Variants in GMDS observed in about 807,000 individuals in gnomAD.
The protein encoded by GMDS is GDP-mannose 4,6 dehydratase.
In GMDS, 20 loss-of-function variants were observed where a neutral mutation model predicts 49.9. The ratio of observed to expected loss-of-function variants is 0.40; its 90% CI spans 0.28 to 0.58. The LOEUF (loss-of-function observed/expected upper bound fraction) is 0.58, where lower values mean the gene tolerates loss of function less well. Ranked by LOEUF, GMDS falls within the 20% of genes least tolerant of loss-of-function variation. The probability of loss-of-function intolerance (pLI) is 0.42; values close to 1 mark genes in which losing one functional copy is unlikely to be tolerated. For missense variants in GMDS, 362 were observed against 481.4 expected (o/e 0.75, Z 2.32); for synonymous variants, 177 against 178.6 (o/e 0.99, Z 0.07).
chr6:1,809,011 G>A (rs1401940936), intron 7 of GMDS, among the ~76,000 whole-genome samples: 8 of 151,976 alleles, frequency 5.3e-5, no homozygotes, highest in African/African-American at 1.9e-4. Context: ...GGAAATTTTA[G>A]GTCCTTATCT....
chr6:1,728,860 C>T, intron 8 of GMDS, among the ~76,000 whole-genome samples: 1 of 152,038 alleles, frequency 6.6e-6, no homozygotes, highest in East Asian at 1.9e-4. Context: ...TCTTCTTCCT[C>T]CTCTTATTTT....
At chr6:1,911,395 T>C (rs1183723204) in intron 7 of GMDS, among the ~76,000 whole-genome samples, 1 of 152,190 alleles carries the variant, frequency 6.6e-6, no homozygotes, top group Non-Finnish European at 1.5e-5. Flanking sequence ...GGGGAATGTT[T>C]CCCATCCCAA....
chr6:1,878,063 C>T (rs963363408), intron 7 of GMDS, among the ~76,000 whole-genome samples: 1 of 152,062 alleles, frequency 6.6e-6, no homozygotes, highest in African/African-American at 2.4e-5. Flanking sequence ...CCTGTCATCC[C>T]AGCACTCTGG....
intron 9 of GMDS, among the ~76,000 whole-genome samples, chr6:1,720,070 C>T (rs1354153438): frequency 6.6e-6 from 1 of 152,130 alleles, no homozygotes; most frequent in Non-Finnish European, 1.5e-5. Context: ...AGGGAAGATA[C>T]ATAGCTATGT....
intron 9 of GMDS, among the ~76,000 whole-genome samples, chr6:1,693,900 C>CA (rs1765253179): frequency 6.6e-6 from 1 of 152,154 alleles, no homozygotes; most frequent in Non-Finnish European, 1.5e-5. Flanking sequence ...ACTTATAAAA[C>CA]AAATACTATG....
intron 7 of GMDS, among the ~76,000 whole-genome samples, chr6:1,868,557 C>T (rs942742447): frequency 4.6e-5 from 7 of 152,224 alleles, no homozygotes; most frequent in South Asian, 2.1e-4. Context: ...CTGAGGTAGG[C>T]GTGTCTATAT....
At chr6:2,052,672 T>C (rs193147393) in intron 4 of GMDS, among the ~76,000 whole-genome samples, 2 of 152,336 alleles carry the variant, frequency 1.3e-5, no homozygotes, top group East Asian at 3.9e-4. Context: ...GCATAGATTA[T>C]TATGGTTGCA....
intron 1 of GMDS, among the ~76,000 whole-genome samples, chr6:2,172,034 A>T (rs1778035267): frequency 6.6e-6 from 1 of 152,204 alleles, no homozygotes; most frequent in African/African-American, 2.4e-5. Context: ...TACGGAAGAC[A>T]TCAAAGACAG....
chr6:1,717,803 C>T (rs150800651), intron 9 of GMDS, among the ~76,000 whole-genome samples: 1,905 of 152,218 alleles, frequency 0.013, 30 homozygotes, highest in African/African-American at 0.044. Context: ...CAATATGCAG[C>T]ACAAAGTACC....
intron 6 of GMDS, among the ~76,000 whole-genome samples, chr6:1,936,437 T>C (rs897174839): frequency 6.6e-6 from 1 of 152,072 alleles, no homozygotes; most frequent in African/African-American, 2.4e-5. Context: ...CAGCCAGAAG[T>C]GGGACTAATC....
chr6:2,017,213 A>T (rs1767957525), intron 4 of GMDS, among the ~76,000 whole-genome samples: 1 of 152,200 alleles, frequency 6.6e-6, no homozygotes, highest in Admixed American at 6.5e-5. Context: ...CACAAGACAC[A>T]AAATTTTCAT....
intron 7 of GMDS, among the ~76,000 whole-genome samples, chr6:1,786,187 T>A (rs1421633502): frequency 6.6e-6 from 1 of 152,254 alleles, no homozygotes; most frequent in Non-Finnish European, 1.5e-5. Flanking sequence ...AATAACTCCA[T>A]GAAAATGTTT....
intron 1 of GMDS, among the ~76,000 whole-genome samples, chr6:2,239,830 C>A (rs1781530385): frequency 1.3e-5 from 2 of 152,074 alleles, no homozygotes; most frequent in African/African-American, 4.8e-5. Flanking sequence ...GGACTACAGG[C>A]ACCTGCCCCC....
intron 9 of GMDS, among the ~76,000 whole-genome samples, chr6:1,647,696 C>T (rs1015720586): frequency 7.9e-5 from 12 of 152,144 alleles, no homozygotes; most frequent in Non-Finnish European, 1.5e-4. Flanking sequence ...TGTGAGTCCT[C>T]ACTCTTGTGT....
intron 1 of GMDS, among the ~76,000 whole-genome samples, chr6:2,172,035 T>C (rs1207853953): frequency 1.3e-5 from 2 of 151,916 alleles, no homozygotes; most frequent in African/African-American, 4.8e-5. Flanking sequence ...ACGGAAGACA[T>C]CAAAGACAGC....
chr6:1,739,104 C>T (rs936857786), intron 8 of GMDS, among the ~76,000 whole-genome samples: 2 of 152,244 alleles, frequency 1.3e-5, no homozygotes, highest in African/African-American at 4.8e-5. Context: ...GCATGAAGAC[C>T]TGGGTCTGTG....
intron 9 of GMDS, among the ~76,000 whole-genome samples, chr6:1,650,544 T>A (rs1763619350): frequency 6.6e-6 from 1 of 152,200 alleles, no homozygotes; most frequent in Non-Finnish European, 1.5e-5. Context: ...AAAAACCCTC[T>A]TAACCCTTAC....
At chr6:2,239,863 T>C (rs904497875) in intron 1 of GMDS, among the ~76,000 whole-genome samples, 1 of 152,082 alleles carries the variant, frequency 6.6e-6, no homozygotes, top group African/African-American at 2.4e-5. Context: ...TTTTTTTGTA[T>C]TTTTAGTAGA....
chr6:2,113,372 A>G (rs760332219), intron 4 of GMDS, among the ~76,000 whole-genome samples: 2 of 152,022 alleles, frequency 1.3e-5, no homozygotes, highest in Non-Finnish European at 2.9e-5. Flanking sequence ...TCTTACCTCT[A>G]GAAGTCATCA....
Sources: gnomAD v4.1 joint callset for allele counts (sites outside exome capture counted in the v4.1 genomes callset) on GRCh38, gnomAD v4.1.1 for gene constraint, MANE v1.5 for transcripts, NCBI Gene and HGNC (gene_info 2026-07-23, HGNC 2026-07-21) for gene names.